The following BCAR3 variants were observed in gnomAD, a reference collection of about 807,000 sequenced individuals.
BCAR3 encodes the protein BCAR3 adaptor protein, NSP family member.
BCAR3 carries 37 observed loss-of-function variants against 80.1 expected under a neutral mutation model. The ratio of observed to expected loss-of-function variants is 0.46; its 90% CI spans 0.36 to 0.61. The LOEUF is 0.61. BCAR3 is among the 20% of genes least tolerant of loss of function. The probability of loss-of-function intolerance (pLI) is 0.00; values close to 1 mark genes in which losing one functional copy is unlikely to be tolerated. For synonymous variants in BCAR3, 389 were observed against 418.9 expected (o/e 0.93, Z 0.87); for missense variants, 978 against 1,068.2 (o/e 0.92, Z 1.18).
chr1:93,676,160 C>G (rs1168130765), intron 1 of BCAR3, among the ~76,000 whole-genome samples: 1 of 152,122 alleles, frequency 6.6e-6, no homozygotes, highest in Non-Finnish European at 1.5e-5. Context: ...CAGGGAAGAG[C>G]TTTGCATGAA....
chr1:93,827,615 C>T (rs543823066), intron 2 of BCAR3, among the ~76,000 whole-genome samples: 33 of 152,142 alleles, frequency 2.2e-4, no homozygotes, highest in Admixed American at 1.8e-3. Flanking sequence ...AGTTACTTAC[C>T]CTAAGTTAAG....
intron 2 of BCAR3, among the ~76,000 whole-genome samples, chr1:93,821,655 T>G (rs996852131): frequency 6.6e-6 from 1 of 152,210 alleles, no homozygotes; most frequent in Non-Finnish European, 1.5e-5. Flanking sequence ...ATGAGGATGC[T>G]AATAATAACC....
chr1:93,828,162 T>C (rs1303318206), intron 2 of BCAR3, among the ~76,000 whole-genome samples: 1 of 151,888 alleles, frequency 6.6e-6, no homozygotes, highest in Non-Finnish European at 1.5e-5. Context: ...TAGCTGGGCA[T>C]GACAGCATGT....
In BCAR3 at chr1:93,589,234, G is replaced by A. The variant is rs1375962803; in HGVS notation, c.672C>T (p.Phe224=). Residue 224 remains phenylalanine (F), a synonymous_variant, in exon 5 of 12, where the codon TTC becomes TTT. Transcript: ENST00000260502. The part of the protein sequence containing the change: ...RVQYQFEMES[F]DSIPGLVRCY... ...AGCGCACCAGGCCGGGGATGGAGTC[G>A]AAGCTCTCCATCTCGAACTGGTACT... The A allele has an allele frequency of 2.5e-6, 4 of 1,613,964 alleles. No individual in the cohort carries two copies. The highest frequency in any genetic ancestry group is 3.4e-6 in the Non-Finnish European group (4 of 1,180,040).
At chr1:93,670,420 T>C (rs1012034008) in intron 2 of BCAR3, among the ~76,000 whole-genome samples, 1 of 152,174 alleles carries the variant, frequency 6.6e-6, no homozygotes, top group Admixed American at 6.5e-5. Flanking sequence ...CAAGGCTCCA[T>C]TCTCCCCAAA....
intron 2 of BCAR3, among the ~76,000 whole-genome samples, chr1:93,766,615 GCC>G (rs1652160507): frequency 6.6e-6 from 1 of 152,250 alleles, no homozygotes; most frequent in African/African-American, 2.4e-5. Flanking sequence ...GAGCACGGCT[GCC>G]CGTCCACATT....
intron 2 of BCAR3, among the ~76,000 whole-genome samples, chr1:93,832,302 C>A (rs1654594469): frequency 6.6e-6 from 1 of 152,198 alleles, no homozygotes; most frequent in African/African-American, 2.4e-5. Flanking sequence ...GTCAGGCATT[C>A]CTCCAGGACT....
intron 2 of BCAR3, among the ~76,000 whole-genome samples, chr1:93,665,478 G>A (rs543393287): frequency 6.6e-6 from 1 of 151,726 alleles, no homozygotes; most frequent in African/African-American, 2.4e-5. Context: ...CTCTGCACTC[G>A]GCCTCCTCTG....
chr1:93,829,932 C>T (rs778453000), intron 2 of BCAR3, among the ~76,000 whole-genome samples: 11 of 152,122 alleles, frequency 7.2e-5, no homozygotes, highest in Non-Finnish European at 1.3e-4. Flanking sequence ...ACCATCCCTC[C>T]TTGGTACTGT....
At chr1:93,662,470 A>T (rs1310273074) in intron 2 of BCAR3, among the ~76,000 whole-genome samples, 3 of 152,002 alleles carry the variant, frequency 2.0e-5, no homozygotes, top group African/African-American at 7.3e-5. Flanking sequence ...TTTTTTTTAA[A>T]AAAAAATCTC....
At chr1:93,744,876 G>C (rs1269737976) in intron 2 of BCAR3, among the ~76,000 whole-genome samples, 1 of 152,204 alleles carries the variant, frequency 6.6e-6, no homozygotes, top group Non-Finnish European at 1.5e-5. Context: ...AACTACAAAT[G>C]AAAGAGATTT....
chr1:93,668,982 G>T (rs1648066344), intron 2 of BCAR3, among the ~76,000 whole-genome samples: 2 of 152,056 alleles, frequency 1.3e-5, no homozygotes, highest in South Asian at 2.1e-4. Context: ...AAAGTGCTGG[G>T]AATACAGGCA....
At chr1:93,822,180 T>C (rs1654246933) in intron 2 of BCAR3, among the ~76,000 whole-genome samples, 1 of 146,272 alleles carries the variant, frequency 6.8e-6, no homozygotes, top group Admixed American at 6.9e-5. Context: ...GTGATGTTTT[T>C]TTTTTCTTTT....
chr1:93,678,670 T>C (rs112731195), intron 1 of BCAR3, among the ~76,000 whole-genome samples: 96 of 152,290 alleles, frequency 6.3e-4, no homozygotes, highest in African/African-American at 2.1e-3. Context: ...CTAAGGAATA[T>C]AAACAGGATG....
chr1:93,828,248 G>T (rs1654438012), intron 2 of BCAR3, among the ~76,000 whole-genome samples: 1 of 152,114 alleles, frequency 6.6e-6, no homozygotes, highest in African/African-American at 2.4e-5. Context: ...AGGTTGCAGT[G>T]GGCTGTGATT....
At chr1:93,753,542 GTACA>G (rs1651636523) in intron 2 of BCAR3, 1 of 113,214 alleles carries the variant, frequency 8.8e-6, no homozygotes. Context: ...ATGCACGCGG[GTACA>G]CACACACACA....
intron 2 of BCAR3, among the ~76,000 whole-genome samples, chr1:93,729,362 T>A (rs1442323005): frequency 6.6e-6 from 1 of 152,170 alleles, no homozygotes; most frequent in Admixed American, 6.5e-5. Flanking sequence ...GTTGAGTATC[T>A]CATGTAGTTT....
At chr1:93,659,899 T>C (rs1647569347) in intron 2 of BCAR3, among the ~76,000 whole-genome samples, 1 of 152,126 alleles carries the variant, frequency 6.6e-6, no homozygotes, top group Admixed American at 6.5e-5. Flanking sequence ...TTATAAAACT[T>C]TGTGATGACA....
At chr1:93,585,849 C>T (rs1043858640) in intron 5 of BCAR3, among the ~76,000 whole-genome samples, 1 of 152,136 alleles carries the variant, frequency 6.6e-6, no homozygotes, top group Non-Finnish European at 1.5e-5. Context: ...AGCAATCCTC[C>T]CACCTCAGCC....
Sources: gnomAD v4.1 joint callset for allele counts (sites outside exome capture counted in the v4.1 genomes callset) on GRCh38, gnomAD v4.1.1 for gene constraint, MANE v1.5 for transcripts, NCBI Gene and HGNC (gene_info 2026-07-23, HGNC 2026-07-21) for gene names.